The following EIPR1 variants were observed in gnomAD, a reference collection of about 807,000 sequenced individuals.
EIPR1 encodes EARP complex and GARP complex interacting protein 1.
In EIPR1, 25 loss-of-function variants were observed where a neutral mutation model predicts 48.1. That is an observed-to-expected ratio of 0.52 (90% confidence interval 0.38 to 0.73). The LOEUF (loss-of-function observed/expected upper bound fraction) is 0.73. Among genes scored for constraint, EIPR1 ranks in the 30% least tolerant of loss-of-function variants. EIPR1 has a pLI of 0.00. For synonymous variants in EIPR1, 204 were observed against 201.9 expected (o/e 1.01, Z -0.09); for missense variants, 415 against 506.2 (o/e 0.82, Z 1.73).
In EIPR1 at chr2:3,225,224, G is replaced by A. The variant is rs759844277; in HGVS notation, c.417-10976C>T. 3.5e-4 allele frequency among the ~76,000 whole-genome samples: 27 copies of A among 76,190 alleles called. No individual in the cohort carries two copies. The South Asian group carries it at 8.5e-3, about 24-fold the overall frequency. The allele number at this position is 76,190 out of a possible 152,430, so 50.0% of individuals were successfully genotyped here. On this transcript the variant is annotated intron_variant, in intron 4 of 8. Transcript: ENST00000382125. ...ATATTTAGGTAGTACACTGTGATAT[G>A]TGTGTGTGTGTGTGTGTGTGTGTGT... is the stretch of plus-strand genomic sequence containing the variant.
In EIPR1 at chr2:3,371,929, AT is replaced by A. The variant is rs576417515; in HGVS notation, c.42+5718del. Among the ~76,000 whole-genome samples the A allele has an allele frequency of 7.5e-3, 1,146 of 152,250 alleles. 26 individuals carry two copies. The highest frequency in any genetic ancestry group is 0.027 in the African/African-American group (1,103 of 41,526). On this transcript the variant is annotated intron_variant, in intron 1 of 8. Transcript: ENST00000382125. ...CCCACCCCAAATCAACAGAATATAC[AT>A]TTTTTTCAGCACCACGCCACACCTA...
In EIPR1 at chr2:3,232,975, A is replaced by G. The variant is rs369160112; in HGVS notation, c.417-18727T>C. ...TCTTGCCTTTGCGAAGTCTCACGTT[A>G]AGCTGTATTACTTTACACTGTAAAC... is the stretch of plus-strand genomic sequence containing the variant. On this transcript the variant is annotated intron_variant, in intron 4 of 8. Coordinates refer to ENST00000382125, the MANE Select transcript of EIPR1 (RefSeq NM_003310.5). 3.1e-3 allele frequency among the ~76,000 whole-genome samples: 469 copies of G among 152,330 alleles called. 5 individuals are homozygous for G. The highest frequency in any genetic ancestry group is 0.011 in the African/African-American group (452 of 41,570).
In EIPR1 at chr2:3,192,571, C is replaced by T. The variant is rs748069265; in HGVS notation, c.832G>A (p.Val278Ile). 8.1e-6 allele frequency: 13 copies of T among 1,611,102 alleles called. No homozygotes were observed. Among genetic ancestry groups the T allele is most frequent in the South Asian group, 1.1e-5 (1 of 90,592 alleles). ...LEEHSHWVWN[V>I]RYNHSHDQLV... ...TGGTCATGAGAGTGGTTGTAGCGGACGTTCCACACCCTGCAAAGGGCAAGG... is the reference window on the plus strand; with the variant it reads ...TGGTCATGAGAGTGGTTGTAGCGGATGTTCCACACCCTGCAAAGGGCAAGG... The change falls in exon 8 of 9, where the codon GTC becomes ATC. Residue 278 changes from valine to isoleucine, a missense_variant. Val to Ile is a conservative substitution (Grantham distance 29, BLOSUM62 3). Transcript: ENST00000382125.
chr2:3,295,266 C>CA (rs1558280146), intron 3 of EIPR1, among the ~76,000 whole-genome samples: 16 of 103,080 alleles, frequency 1.6e-4, no homozygotes, highest in East Asian at 3.6e-4. Context: ...CGTCCTCTCT[C>CA]CACACACACC....
At chr2:3,241,343 A>T (rs1392533459) in intron 4 of EIPR1, among the ~76,000 whole-genome samples, 7 of 152,200 alleles carry the variant, frequency 4.6e-5, no homozygotes, top group Admixed American at 1.3e-4. Flanking sequence ...TTCACTATTT[A>T]TCCATGGGTG....
At chr2:3,195,224 C>G (rs1419845376) in intron 6 of EIPR1, among the ~76,000 whole-genome samples, 1 of 152,228 alleles carries the variant, frequency 6.6e-6, no homozygotes, top group Non-Finnish European at 1.5e-5. Context: ...CCCAGGAGAG[C>G]AAAGAACCCA....
chr2:3,337,006 G>GGAAGGGA (rs1397363111), intron 3 of EIPR1, among the ~76,000 whole-genome samples: 1 of 132,866 alleles, frequency 7.5e-6, no homozygotes, highest in African/African-American at 2.9e-5. Flanking sequence ...GAAGGGAAAG[G>GGAAGGGA]GAAGGGAAAA....
chr2:3,270,580 CA>C (rs1667674742), intron 3 of EIPR1, among the ~76,000 whole-genome samples: 1 of 152,114 alleles, frequency 6.6e-6, no homozygotes, highest in African/African-American at 2.4e-5. Context: ...TTTCCTAGTG[CA>C]TGTAAAAGTT....
At chr2:3,200,953 T>C (rs1349017766) in intron 5 of EIPR1, among the ~76,000 whole-genome samples, 1 of 152,108 alleles carries the variant, frequency 6.6e-6, no homozygotes, top group Non-Finnish European at 1.5e-5. Context: ...GCACTCCGCA[T>C]GGTGACGGCA....
At chr2:3,219,270 A>G (rs2103143442) in intron 4 of EIPR1, among the ~76,000 whole-genome samples, 1 of 149,780 alleles carries the variant, frequency 6.7e-6, no homozygotes, top group East Asian at 2.0e-4. Context: ...GTGCACACTC[A>G]ACACGACCCT....
intron 1 of EIPR1, among the ~76,000 whole-genome samples, chr2:3,358,447 C>G (rs1035048888): frequency 6.6e-6 from 1 of 152,192 alleles, no homozygotes; most frequent in Non-Finnish European, 1.5e-5. Context: ...ATACACATGT[C>G]TAGAGCAACA....
In EIPR1 at chr2:3,278,512, C is replaced by T. The variant is rs572821499; in HGVS notation, c.260-21057G>A. ...ATCCAAGCCCTGTCCTCCCCAGTCCCCACAGCACCCTGGCAGGAGCAGGCT... is the reference window on the plus strand; with the variant it reads ...ATCCAAGCCCTGTCCTCCCCAGTCCTCACAGCACCCTGGCAGGAGCAGGCT... On this transcript the variant is annotated intron_variant, in intron 3 of 8. Coordinates refer to ENST00000382125, the MANE Select transcript of EIPR1 (RefSeq NM_003310.5). Among the ~76,000 whole-genome samples the T allele has an allele frequency of 2.6e-5, 4 of 152,312 alleles. No individual in the cohort carries two copies. The East Asian group carries it at 7.7e-4, about 30-fold the overall frequency.
intron 4 of EIPR1, among the ~76,000 whole-genome samples, chr2:3,235,312 A>G (rs1015951293): frequency 6.6e-6 from 1 of 152,278 alleles, no homozygotes; most frequent in Non-Finnish European, 1.5e-5. Context: ...CTTGGCCTCA[A>G]CCGGCCTTCA....
At chr2:3,347,361 TG>T (rs2103364730) in intron 2 of EIPR1, among the ~76,000 whole-genome samples, 1 of 152,312 alleles carries the variant, frequency 6.6e-6, no homozygotes, top group East Asian at 1.9e-4. Context: ...AATCGAATCA[TG>T]GGGGCAGTTC....
At chr2:3,369,982 ACCC>A (rs552578488) in intron 1 of EIPR1, among the ~76,000 whole-genome samples, 1 of 150,656 alleles carries the variant, frequency 6.6e-6, no homozygotes, top group Non-Finnish European at 1.5e-5. Context: ...ACTGGGAGGC[ACCC>A]CCCCCGTAGG....
intron 5 of EIPR1, among the ~76,000 whole-genome samples, chr2:3,209,308 G>A (rs1665357713): frequency 6.6e-6 from 1 of 152,178 alleles, no homozygotes; most frequent in South Asian, 2.1e-4. Context: ...CCCACTGAAA[G>A]CCACATTTTC....
intron 4 of EIPR1, among the ~76,000 whole-genome samples, chr2:3,223,671 C>T (rs1346164821): frequency 2.0e-5 from 3 of 152,200 alleles, no homozygotes; most frequent in African/African-American, 7.2e-5. Flanking sequence ...TGAATCAATT[C>T]ACAAGGGGCT....
At chr2:3,225,933 C>T (rs985965124) in intron 4 of EIPR1, among the ~76,000 whole-genome samples, 2 of 152,230 alleles carry the variant, frequency 1.3e-5, no homozygotes, top group Non-Finnish European at 2.9e-5. Context: ...TAATGTCCTC[C>T]AGGTTCGTCC....
rs535174655 is a variant in EIPR1 at position 3,189,755 on chromosome 2, G to A, written c.990-247C>T. ...ATTTCTCAAAAGGTTTATGGAAATC[G>A]GCGACATTGGCACATGGTGTCTTGG... is the stretch of plus-strand genomic sequence containing the variant. On this transcript the variant is annotated intron_variant, in intron 8 of 8. Transcript: ENST00000382125. The surrounding 1 kb of genome is among the most constrained non-coding windows in gnomAD (Gnocchi z 4.6). 2.0e-5 allele frequency among the ~76,000 whole-genome samples: 3 copies of A among 152,278 alleles called. No individual in the cohort carries two copies. Among genetic ancestry groups the A allele is most frequent in the South Asian group, 2.1e-4 (1 of 4,824 alleles).
Sources: allele counts gnomAD v4.1 joint callset (sites outside exome capture counted in the v4.1 genomes callset), GRCh38; gene constraint gnomAD v4.1.1; non-coding constraint Gnocchi (gnomAD v3.1); transcripts MANE v1.5; gene names NCBI Gene and HGNC (gene_info 2026-07-23, HGNC 2026-07-21).